The following GPC6 variants were observed in gnomAD, a reference collection of about 807,000 sequenced individuals.
GPC6 encodes glypican-6.
In GPC6, 14 loss-of-function variants were observed where a neutral mutation model predicts 55.2. That is an observed-to-expected ratio of 0.25 (90% CI 0.17 to 0.40). The LOEUF is 0.40. GPC6 is among the 10% of genes least tolerant of loss of function. The pLI is 1.00. For synonymous variants in GPC6, 278 were observed against 259.6 expected (o/e 1.07, Z -0.68); for missense variants, 641 against 708.5 (o/e 0.90, Z 1.08).
intron 6 of GPC6, among the ~76,000 whole-genome samples, chr13:94,362,673 G>C (rs1330743261): frequency 6.6e-6 from 1 of 152,092 alleles, no homozygotes; most frequent in Non-Finnish European, 1.5e-5. Flanking sequence ...CCTGCTTTAA[G>C]CAAGTCACTG....
At chr13:94,196,806 G>A (rs918819276) in intron 4 of GPC6, among the ~76,000 whole-genome samples, 2 of 152,126 alleles carry the variant, frequency 1.3e-5, no homozygotes, top group African/African-American at 2.4e-5. Flanking sequence ...GACGGAAAAG[G>A]AACTTCAATT....
intron 1 of GPC6, among the ~76,000 whole-genome samples, chr13:93,368,726 C>A (rs914718193): frequency 6.6e-6 from 1 of 152,020 alleles, no homozygotes; most frequent in Non-Finnish European, 1.5e-5. Context: ...GAACAAGCTA[C>A]ACCTGAATCA....
chr13:93,877,190 A>G (rs914324646), intron 3 of GPC6, among the ~76,000 whole-genome samples: 1 of 152,086 alleles, frequency 6.6e-6, no homozygotes, highest in African/African-American at 2.4e-5. Context: ...TTTCTGACTG[A>G]CACATTTAAT....
At chr13:93,644,653 T>C (rs897048880) in intron 2 of GPC6, among the ~76,000 whole-genome samples, 11 of 152,110 alleles carry the variant, frequency 7.2e-5, no homozygotes, top group Non-Finnish European at 1.6e-4. Context: ...TTAAAGGGGA[T>C]GAATTTTATA....
chr13:93,876,860 C>G (rs2140306191), intron 3 of GPC6, among the ~76,000 whole-genome samples: 1 of 152,110 alleles, frequency 6.6e-6, no homozygotes, highest in South Asian at 2.1e-4. Context: ...CAAGTTGATC[C>G]TGGGTATGTT....
intron 6 of GPC6, among the ~76,000 whole-genome samples, chr13:94,324,339 A>G (rs911533502): frequency 1.3e-5 from 2 of 151,298 alleles, no homozygotes; most frequent in Non-Finnish European, 2.9e-5. Flanking sequence ...AACTCAAGCC[A>G]GACAAGGTAG....
At position 93,598,941 on chromosome 13, in the gene GPC6, G is replaced by C. The variant is rs1010517947; in HGVS notation, c.319+53520G>C. Among the ~76,000 whole-genome samples, 11 of 152,094 alleles carry C rather than the reference G, an allele frequency of 7.2e-5. No individual in the cohort carries two copies. In the East Asian group the frequency reaches 7.7e-4, roughly 11 times the overall value. On this transcript the variant is annotated intron_variant, in intron 2 of 8. Transcript: ENST00000377047. ...GAAGAATAAACATTGAGATTCTGAA[G>C]TCACCATAATTTTTGGTCACCACTG... is the stretch of plus-strand genomic sequence containing the variant.
chr13:93,306,785 A>C (rs1348773711), intron 1 of GPC6, among the ~76,000 whole-genome samples: 1 of 152,164 alleles, frequency 6.6e-6, no homozygotes, highest in Non-Finnish European at 1.5e-5. Context: ...TTACAGATCA[A>C]AAATATATGT....
chr13:94,067,031 T>A (rs1884542000), intron 4 of GPC6, among the ~76,000 whole-genome samples: 1 of 152,186 alleles, frequency 6.6e-6, no homozygotes, highest in African/African-American at 2.4e-5. Context: ...ATTTTTGAAC[T>A]GTTATGTAAA....
chr13:93,513,248 C>T (rs1238361999), intron 1 of GPC6, among the ~76,000 whole-genome samples: 1 of 152,202 alleles, frequency 6.6e-6, no homozygotes, highest in Non-Finnish European at 1.5e-5. Flanking sequence ...ATTTTACTCT[C>T]ATCAATAGAA....
intron 1 of GPC6, among the ~76,000 whole-genome samples, chr13:93,492,283 A>G (rs1880045787): frequency 7.0e-6 from 1 of 142,646 alleles, no homozygotes. Context: ...CTTTGAAGCA[A>G]TTGTGAATGG....
At chr13:93,599,180 C>T (rs1877896674) in intron 2 of GPC6, among the ~76,000 whole-genome samples, 1 of 151,668 alleles carries the variant, frequency 6.6e-6, no homozygotes. Context: ...GCTGAATATA[C>T]GTGCACTTTG....
At chr13:94,184,115 C>G in intron 4 of GPC6, among the ~76,000 whole-genome samples, 1 of 152,050 alleles carries the variant, frequency 6.6e-6, no homozygotes, top group East Asian at 1.9e-4. Context: ...TCACCATATA[C>G]AGAAATGAAC....
At chr13:94,399,948 T>C (rs963762481) in intron 8 of GPC6, among the ~76,000 whole-genome samples, 2 of 152,182 alleles carry the variant, frequency 1.3e-5, no homozygotes, top group African/African-American at 2.4e-5. Flanking sequence ...TGCTCTATCA[T>C]CTAGAGAGTG....
chr13:93,966,393 A>T (rs964820189), intron 3 of GPC6, among the ~76,000 whole-genome samples: 1 of 152,198 alleles, frequency 6.6e-6, no homozygotes, highest in African/African-American at 2.4e-5. Context: ...TTTACAGGGT[A>T]GACTTTTCTT....
At chr13:94,329,696 G>C (rs146504557) in intron 6 of GPC6, among the ~76,000 whole-genome samples, 10 of 152,274 alleles carry the variant, frequency 6.6e-5, no homozygotes, top group African/African-American at 2.2e-4. Flanking sequence ...GGGTTTAGGA[G>C]ATTCAGAAAA....
intron 4 of GPC6, among the ~76,000 whole-genome samples, chr13:94,084,174 T>G (rs1885203089): frequency 6.6e-6 from 1 of 152,194 alleles, no homozygotes; most frequent in Non-Finnish European, 1.5e-5. Flanking sequence ...CTTTTCGAAA[T>G]GTTCTGTGGA....
chr13:93,487,043 A>G (rs368673651), intron 1 of GPC6, among the ~76,000 whole-genome samples: 12 of 152,124 alleles, frequency 7.9e-5, no homozygotes, highest in South Asian at 4.1e-4. Flanking sequence ...TGAAAATAAT[A>G]TACACACACT....
At chr13:94,208,160 G>T (rs1280265404) in intron 4 of GPC6, among the ~76,000 whole-genome samples, 1 of 152,068 alleles carries the variant, frequency 6.6e-6, no homozygotes, top group Non-Finnish European at 1.5e-5. Context: ...CCAGTTAATT[G>T]GTGTGAAAAA....
Sources: gnomAD v4.1 joint callset for allele counts (sites outside exome capture counted in the v4.1 genomes callset) on GRCh38, gnomAD v4.1.1 for gene constraint, MANE v1.5 for transcripts, NCBI Gene and HGNC (gene_info 2026-07-23, HGNC 2026-07-21) for gene names.